The following SORCS3 variants were observed in gnomAD, a reference collection of about 807,000 sequenced individuals.
SORCS3 encodes VPS10 domain-containing receptor SorCS3.
SORCS3 carries 57 observed loss-of-function variants against 146.3 expected under a neutral mutation model. That is an observed-to-expected ratio of 0.39 (90% confidence interval 0.31 to 0.49). The LOEUF is 0.49. Among genes scored for constraint, SORCS3 ranks in the 20% least tolerant of loss-of-function variants. The probability of loss-of-function intolerance (pLI) is 0.92; values close to 1 mark genes in which losing one functional copy is unlikely to be tolerated. For missense variants in SORCS3, 1,341 were observed against 1,575.5 expected, an observed-to-expected ratio of 0.85 and a Z score of 2.52; for synonymous variants, 653 against 618.5, an observed-to-expected ratio of 1.06 and a Z score of -0.83.
chr10:104,743,122 T>G (rs980456532), intron 1 of SORCS3, among the ~76,000 whole-genome samples: 1 of 152,128 alleles, frequency 6.6e-6, no homozygotes, highest in Non-Finnish European at 1.5e-5. Context: ...GAGATGAAAA[T>G]GCACTATACA....
At position 105,263,604 on chromosome 10, in the gene SORCS3, T is replaced by G; in HGVS notation, c.*230T>G. 6.0e-5 allele frequency: 29 copies of G among 482,142 alleles called. No individual in the cohort carries two copies. The highest frequency in any genetic ancestry group is 1.4e-4 in the East Asian group (4 of 28,718). 29.9% of individuals were successfully genotyped at this position (482,142 alleles called of 1,614,324 possible). A position where few individuals can be genotyped will look rare whatever the true frequency, so the allele number is the denominator to read the frequency against. ...TTGTGCTAAGAGCAAAGGATGCATCTTCCCACAGCCTCCTCGCTTTACTCT... is the reference window on the plus strand; with the variant it reads ...TTGTGCTAAGAGCAAAGGATGCATCGTCCCACAGCCTCCTCGCTTTACTCT... On this transcript the variant is annotated 3_prime_UTR_variant, in exon 27 of 27. Coordinates refer to ENST00000369701, the MANE Select transcript of SORCS3 (RefSeq NM_014978.3).
chr10:105,182,075 G>GA (rs376694589), intron 14 of SORCS3, among the ~76,000 whole-genome samples: 2,717 of 148,794 alleles, frequency 0.018, 88 homozygotes, highest in African/African-American at 0.056. Flanking sequence ...CAGCTTCCTA[G>GA]AAAAAAAAAA....
intron 1 of SORCS3, among the ~76,000 whole-genome samples, chr10:104,702,612 C>G (rs1392493835): frequency 6.6e-6 from 1 of 152,154 alleles, no homozygotes; most frequent in East Asian, 1.9e-4. Context: ...AGTGATGTTT[C>G]CAAGAGCTCC....
intron 1 of SORCS3, among the ~76,000 whole-genome samples, chr10:104,705,760 G>C (rs1340582237): frequency 6.6e-6 from 1 of 152,172 alleles, no homozygotes; most frequent in Non-Finnish European, 1.5e-5. Flanking sequence ...GCTCAGTGGA[G>C]CACAAGTTAA....
At chr10:105,080,941 T>C (rs1235064048) in intron 5 of SORCS3, among the ~76,000 whole-genome samples, 1 of 152,208 alleles carries the variant, frequency 6.6e-6, no homozygotes, top group East Asian at 1.9e-4. Flanking sequence ...TGGTGTATTG[T>C]ATATTTCAAA....
chr10:105,126,350 T>A (rs755613488), intron 7 of SORCS3, among the ~76,000 whole-genome samples: 45 of 152,148 alleles, frequency 3.0e-4, no homozygotes, highest in African/African-American at 1.0e-3. Flanking sequence ...TGACTGGTAA[T>A]CTTTTCTTCC....
At chr10:104,695,774 T>C (rs1007380379) in intron 1 of SORCS3, among the ~76,000 whole-genome samples, 1 of 151,646 alleles carries the variant, frequency 6.6e-6, no homozygotes, top group African/African-American at 2.4e-5. Flanking sequence ...TCCGTATATA[T>C]AGATCGACTT....
chr10:105,182,032 G>A (rs1329683240), intron 14 of SORCS3, among the ~76,000 whole-genome samples: 1 of 151,930 alleles, frequency 6.6e-6, no homozygotes, highest in African/African-American at 2.4e-5. Flanking sequence ...CTATGATTTA[G>A]CTATAGTTTT....
At chr10:105,044,394 C>T (rs1589606874) in intron 5 of SORCS3, among the ~76,000 whole-genome samples, 1 of 151,944 alleles carries the variant, frequency 6.6e-6, no homozygotes, top group South Asian at 2.1e-4. Flanking sequence ...GGTGACAGAG[C>T]GAGACTCTGT....
chr10:105,124,846 G>A (rs1464180030), intron 7 of SORCS3, among the ~76,000 whole-genome samples: 2 of 152,106 alleles, frequency 1.3e-5, no homozygotes, highest in South Asian at 4.1e-4. Flanking sequence ...GTAATAATGT[G>A]CAGGGGTAAT....
At chr10:104,731,467 G>A (rs1008058582) in intron 1 of SORCS3, among the ~76,000 whole-genome samples, 1 of 152,090 alleles carries the variant, frequency 6.6e-6, no homozygotes, top group Non-Finnish European at 1.5e-5. Context: ...AGTCACTGCC[G>A]GGGACACTTC....
At chr10:104,687,256 T>A (rs2016056041) in intron 1 of SORCS3, among the ~76,000 whole-genome samples, 1 of 152,146 alleles carries the variant, frequency 6.6e-6, no homozygotes, top group Non-Finnish European at 1.5e-5. Context: ...CTCAGACTTT[T>A]AAAAAATCAT....
chr10:104,709,532 C>T (rs1420762504), intron 1 of SORCS3, among the ~76,000 whole-genome samples: 2 of 152,168 alleles, frequency 1.3e-5, no homozygotes, highest in Non-Finnish European at 2.9e-5. Context: ...ATTTCCTGTA[C>T]TGAGCACCTA....
At chr10:105,159,403 A>G (rs1299096845) in intron 11 of SORCS3, among the ~76,000 whole-genome samples, 1 of 152,218 alleles carries the variant, frequency 6.6e-6, no homozygotes, top group Non-Finnish European at 1.5e-5. Context: ...GTTCCATCCC[A>G]GAGCTGTTTT....
chr10:105,026,575 C>A (rs2055233027), intron 4 of SORCS3, among the ~76,000 whole-genome samples: 1 of 152,174 alleles, frequency 6.6e-6, no homozygotes, highest in African/African-American at 2.4e-5. Flanking sequence ...TGGAATCAAC[C>A]TAGATGTCCA....
At chr10:104,840,474 G>A (rs1313240994) in intron 1 of SORCS3, among the ~76,000 whole-genome samples, 1 of 152,128 alleles carries the variant, frequency 6.6e-6, no homozygotes, top group Non-Finnish European at 1.5e-5. Flanking sequence ...TATAGGAATT[G>A]CCTGCTCATT....
chr10:104,722,919 C>A (rs1457334609), intron 1 of SORCS3, among the ~76,000 whole-genome samples: 1 of 151,850 alleles, frequency 6.6e-6, no homozygotes, highest in Non-Finnish European at 1.5e-5. Flanking sequence ...TTGATTTTTT[C>A]AAAAAACCAG....
At position 105,037,902 on chromosome 10, in the gene SORCS3, T is replaced by A. The variant is rs1478100960; in HGVS notation, c.955-5153T>A. ...TTCTTCCTGTGGAATATTCTATTGA[T>A]TAAATTGCCTCTTTAGTTCTTCAGC... On this transcript the variant is annotated intron_variant, in intron 4 of 26. Transcript: ENST00000369701. Among the ~76,000 whole-genome samples, 3 of 152,238 alleles carry A rather than the reference T, an allele frequency of 2.0e-5. No individual in the cohort carries two copies. In the East Asian group the frequency reaches 5.8e-4, roughly 29 times the overall value.
intron 3 of SORCS3, among the ~76,000 whole-genome samples, chr10:104,919,839 A>G (rs571959621): frequency 1.3e-5 from 2 of 152,344 alleles, no homozygotes; most frequent in East Asian, 3.9e-4. Flanking sequence ...GACAGTGCAC[A>G]CGTAGTCTAC....
Sources: allele counts gnomAD v4.1 joint callset (sites outside exome capture counted in the v4.1 genomes callset), GRCh38; gene constraint gnomAD v4.1.1; transcripts MANE v1.5; gene names NCBI Gene and HGNC (gene_info 2026-07-23, HGNC 2026-07-21).